The following MID1 variants were observed in gnomAD, a reference collection of about 807,000 sequenced individuals.
MID1 encodes the protein midline 1, also known as E3 ubiquitin-protein ligase Midline-1.
A neutral mutation model predicts 40.4 loss-of-function variants in MID1; 7 were observed. The observed-to-expected ratio is 0.17, with a 90% CI of 0.10 to 0.33. The LOEUF is 0.33. Among genes scored for constraint, MID1 ranks in the 10% least tolerant of loss-of-function variants. MID1 has a pLI of 1.00. For missense variants in MID1, 367 were observed against 558.5 expected (o/e 0.66, Z 3.46); for synonymous variants, 229 against 221.2 (o/e 1.04, Z -0.31).
At chrX:10,526,726 A>AGAC (rs1202901991) in intron 2 of MID1, among the ~76,000 whole-genome samples, 2 of 112,146 alleles carry the variant, frequency 1.8e-5, no homozygotes, top group East Asian at 5.6e-4. Flanking sequence ...TACATAGACT[A>AGAC]AAGCCTGTGG....
At chrX:10,535,074 T>C (rs1933190746) in intron 2 of MID1, among the ~76,000 whole-genome samples, 1 of 112,056 alleles carries the variant, frequency 8.9e-6, no homozygotes, top group African/African-American at 3.2e-5. Context: ...TTGAAAGAAA[T>C]GTGGAAATCA....
chrX:10,588,318 A>G (rs1420639531), intron 1 of MID1, among the ~76,000 whole-genome samples: 3 of 111,411 alleles, frequency 2.7e-5, no homozygotes, highest in Non-Finnish European at 5.7e-5. Context: ...TTTTTTGCAT[A>G]ATTTTTTTTT....
intron 7 of MID1, among the ~76,000 whole-genome samples, chrX:10,461,458 G>A (rs1380981067): frequency 9.0e-6 from 1 of 111,131 alleles, no homozygotes; most frequent in Admixed American, 9.6e-5. Flanking sequence ...AAATAGTTTA[G>A]TAACATGGGA....
At chrX:10,732,088 A>G (rs1377073671) in intron 1 of MID1, among the ~76,000 whole-genome samples, 1 of 110,963 alleles carries the variant, frequency 9.0e-6, no homozygotes, top group Non-Finnish European at 1.9e-5. Flanking sequence ...GAAAACCTAC[A>G]GCTCACATCA....
chrX:10,601,960 A>C (rs1169551599), intron 1 of MID1, among the ~76,000 whole-genome samples: 1 of 105,749 alleles, frequency 9.5e-6, no homozygotes, highest in Non-Finnish European at 1.9e-5. Flanking sequence ...ACAGTGGCGC[A>C]ATCTCGACTC....
At chrX:10,599,672 G>A (rs1427860651) in intron 1 of MID1, among the ~76,000 whole-genome samples, 3 of 112,439 alleles carry the variant, frequency 2.7e-5, no homozygotes, top group Non-Finnish European at 5.6e-5. Flanking sequence ...GAGCTGCAAG[G>A]AGGAATGAAA....
intron 2 of MID1, among the ~76,000 whole-genome samples, chrX:10,555,048 G>C (rs1934065729): frequency 8.9e-6 from 1 of 111,998 alleles, no homozygotes; most frequent in Admixed American, 9.5e-5. Context: ...CCTAGGGATG[G>C]ATCCTTTCAG....
chrX:10,776,787 A>C (rs775437788), intron 1 of MID1, among the ~76,000 whole-genome samples: 6 of 111,943 alleles, frequency 5.4e-5, no homozygotes, highest in Non-Finnish European at 1.1e-4. Flanking sequence ...GTTTCTAAAA[A>C]AGTTTTAAAA....
intron 1 of MID1, among the ~76,000 whole-genome samples, chrX:10,716,877 G>A (rs913394838): frequency 8.9e-6 from 1 of 111,755 alleles, no homozygotes; most frequent in Admixed American, 9.5e-5. Flanking sequence ...AGAAGAGTGT[G>A]GGGGCCAATA....
At chrX:10,777,275 T>C (rs2043809477) in intron 1 of MID1, among the ~76,000 whole-genome samples, 1 of 12 alleles carries the variant, frequency 0.083, no homozygotes, top group Non-Finnish European at 0.11. Flanking sequence ...TGTGGCTCAC[T>C]GCAAGTCCGC....
chrX:10,452,843 C>A (rs1339946165), intron 9 of MID1, among the ~76,000 whole-genome samples: 1 of 111,570 alleles, frequency 9.0e-6, no homozygotes, highest in East Asian at 2.8e-4. Flanking sequence ...CTGAAGTGGT[C>A]TGATGGAATT....
intron 1 of MID1, among the ~76,000 whole-genome samples, chrX:10,648,891 G>A (rs1936289233): frequency 9.0e-6 from 1 of 111,272 alleles, no homozygotes; most frequent in Non-Finnish European, 1.9e-5. Flanking sequence ...GTTTGAATAT[G>A]AAGGTCTAAC....
At chrX:10,597,038 CAAAA>C (rs907967511) in intron 1 of MID1, among the ~76,000 whole-genome samples, 2 of 103,392 alleles carry the variant, frequency 1.9e-5, no homozygotes, top group African/African-American at 7.1e-5. Flanking sequence ...ATGTTGAAGG[CAAAA>C]AAAAAGAGAG....
intron 1 of MID1, among the ~76,000 whole-genome samples, chrX:10,640,331 C>A (rs781502999): frequency 2.7e-5 from 3 of 111,025 alleles, no homozygotes; most frequent in East Asian, 5.6e-4. Flanking sequence ...ACCTACCAAG[C>A]AAATGGGGGG....
chrX:10,519,206 G>A (rs1249008618), intron 3 of MID1, among the ~76,000 whole-genome samples: 3 of 111,177 alleles, frequency 2.7e-5, no homozygotes, highest in Non-Finnish European at 3.8e-5. Flanking sequence ...TAAAGCTCAG[G>A]TAATTTTTTT....
chrX:10,704,077 A>G (rs1379797667), intron 1 of MID1, among the ~76,000 whole-genome samples: 1 of 112,227 alleles, frequency 8.9e-6, no homozygotes, highest in Non-Finnish European at 1.9e-5. Context: ...AAACCATATG[A>G]TGTTAGTTTT....
intron 2 of MID1, among the ~76,000 whole-genome samples, chrX:10,531,140 A>C (rs1932956854): frequency 8.9e-6 from 1 of 111,807 alleles, no homozygotes; most frequent in Admixed American, 9.5e-5. Flanking sequence ...CAGCGTGATC[A>C]GGATATGGAC....
chrX:10,700,505 A>G (rs931270906), intron 1 of MID1, among the ~76,000 whole-genome samples: 3 of 111,519 alleles, frequency 2.7e-5, no homozygotes, highest in African/African-American at 9.8e-5. Context: ...GTGAGCTATC[A>G]TGGCACCATT....
At chrX:10,777,636 G>A (rs779973562) in intron 1 of MID1, among the ~76,000 whole-genome samples, 1 of 108,311 alleles carries the variant, frequency 9.2e-6, no homozygotes, top group South Asian at 4.1e-4. Context: ...CACCTCCCAG[G>A]TTCAAGTGAT....
Sources: gnomAD v4.1 joint callset for allele counts (sites outside exome capture counted in the v4.1 genomes callset) on GRCh38, gnomAD v4.1.1 for gene constraint, MANE v1.5 for transcripts, NCBI Gene and HGNC (gene_info 2026-07-23, HGNC 2026-07-21) for gene names.